MYOCD: variants seen among roughly 807,000 people sequenced by gnomAD.
MYOCD encodes the protein myocardin.
MYOCD carries 32 observed loss-of-function variants against 96.1 expected under a neutral mutation model. The ratio of observed to expected loss-of-function variants is 0.33; its 90% CI spans 0.25 to 0.45. The LOEUF (loss-of-function observed/expected upper bound fraction) is 0.45. Among genes scored for constraint, MYOCD ranks in the 20% least tolerant of loss-of-function variants. The probability of loss-of-function intolerance (pLI) is 1.00; values close to 1 mark genes in which losing one functional copy is unlikely to be tolerated. For missense variants in MYOCD, 1,133 were observed against 1,200.6 expected, an observed-to-expected ratio of 0.94 and a Z score of 0.83; for synonymous variants, 469 against 469.0, an observed-to-expected ratio of 1.00 and a Z score of 0.00.
intron 2 of MYOCD, among the ~76,000 whole-genome samples, chr17:12,709,044 T>G (rs2031395033): frequency 6.6e-6 from 1 of 152,212 alleles, no homozygotes; most frequent in Non-Finnish European, 1.5e-5. Flanking sequence ...TAATCTATGT[T>G]TCGCCATGAT....
At chr17:12,762,535 CTG>C (rs35670984) in intron 13 of MYOCD, 79,165 of 152,220 alleles carry the variant, frequency 0.52, 21,319 homozygotes, top group Middle Eastern at 0.68. Context: ...AGCATGAACA[CTG>C]TGATTTCCAA....
intron 5 of MYOCD, among the ~76,000 whole-genome samples, chr17:12,725,765 CG>C (rs2031981418): frequency 6.6e-6 from 1 of 151,580 alleles, no homozygotes; most frequent in South Asian, 2.1e-4. Context: ...TCTCTTAAAT[CG>C]GATTTTTCTA....
intron 2 of MYOCD, among the ~76,000 whole-genome samples, chr17:12,708,642 C>T (rs1043848456): frequency 4.6e-5 from 7 of 152,244 alleles, no homozygotes; most frequent in Admixed American, 6.5e-5. Context: ...CCACCCACCT[C>T]GGGTTCCCAA....
chr17:12,727,854 C>G (rs1847458198), intron 5 of MYOCD, among the ~76,000 whole-genome samples: 1 of 152,160 alleles, frequency 6.6e-6, no homozygotes, highest in South Asian at 2.1e-4. Flanking sequence ...CCCCTCTCCT[C>G]TTGAGTACCA....
chr17:12,752,470 A>G lies in MYOCD; in HGVS notation c.1182A>G (p.Lys394=). The change falls in exon 10 of 14, where the codon AAA becomes AAG. Residue 394 remains lysine (K), a synonymous_variant. Coordinates refer to ENST00000425538, the MANE Select transcript of MYOCD (RefSeq NM_001146312.3). ...RIRGLPVSGT[K]TALMDRLRPF... is the part of the protein sequence containing the mutation. ...GGGGCTTGCCTGTGTCAGGCACCAA[A>G]ACGGCTCTCATGGACCGGCTTCGAC... The G allele has an allele frequency of 6.2e-7, 1 of 1,614,108 alleles. No individual in the cohort carries two copies.
chr17:12,678,536 A>AAG (rs150532356), intron 1 of MYOCD, among the ~76,000 whole-genome samples: 64 of 151,278 alleles, frequency 4.2e-4, no homozygotes, highest in African/African-American at 1.4e-3. Flanking sequence ...TATAAAACCA[A>AAG]AGAGAGAGAG....
chr17:12,739,185 G>A lies in MYOCD; in HGVS notation c.592-18G>A. 3 of 1,596,562 alleles carry A rather than the reference G, an allele frequency of 1.9e-6. No homozygotes were observed. ...TTATTCCTGTATCTTCCTAATATCG[G>A]TAACATTTGGATTTCAGGATCTTGC... On this transcript the variant is annotated intron_variant, in intron 6 of 13. Transcript: ENST00000425538.
At chr17:12,722,188 A>G (rs1003554462) in intron 4 of MYOCD, among the ~76,000 whole-genome samples, 3 of 152,234 alleles carry the variant, frequency 2.0e-5, no homozygotes, top group Non-Finnish European at 4.4e-5. Context: ...GTTCTTCCAC[A>G]GAAATAAGTC....
chr17:12,700,646 C>T (rs1191692542), intron 1 of MYOCD, among the ~76,000 whole-genome samples: 2 of 151,608 alleles, frequency 1.3e-5, no homozygotes, highest in African/African-American at 4.9e-5. Flanking sequence ...GATCTCCTGA[C>T]CTCGTGATCC....
chr17:12,724,397 A>G lies in MYOCD; in HGVS notation c.415+1389A>G, dbSNP rs192460813. Among the ~76,000 whole-genome samples the G allele has an allele frequency of 4.6e-5, 7 of 152,204 alleles. No homozygotes were observed. The South Asian group carries it at 1.4e-3, about 31-fold the overall frequency. On this transcript the variant is annotated intron_variant, in intron 5 of 13. Transcript: ENST00000425538. ...ACATGACTTTTTCTCTGAAAAAGAAAGCTGAGCATGTTCTCGCTTTACTGC... is the reference window on the plus strand; with the variant it reads ...ACATGACTTTTTCTCTGAAAAAGAAGGCTGAGCATGTTCTCGCTTTACTGC...
At chr17:12,697,781 A>G (rs1279028728) in intron 1 of MYOCD, among the ~76,000 whole-genome samples, 1 of 152,220 alleles carries the variant, frequency 6.6e-6, no homozygotes, top group African/African-American at 2.4e-5. Context: ...ATAAATTAAT[A>G]CGAATTAGAA....
chr17:12,673,902 CTTTCATACCT>C (rs1909857830), intron 1 of MYOCD, among the ~76,000 whole-genome samples: 1 of 152,154 alleles, frequency 6.6e-6, no homozygotes, highest in Admixed American at 6.5e-5. Flanking sequence ...TCTGATGAGC[CTTTCATACCT>C]TTTCAGTAGA....
chr17:12,741,716 T>TA (rs66958558), intron 7 of MYOCD, among the ~76,000 whole-genome samples: 75 of 87,152 alleles, frequency 8.6e-4, no homozygotes, highest in Admixed American at 1.6e-3. Flanking sequence ...TATATATATA[T>TA]AAAAAAAAAA....
intron 5 of MYOCD, among the ~76,000 whole-genome samples, chr17:12,725,261 G>C (rs2031961685): frequency 6.6e-6 from 1 of 151,124 alleles, no homozygotes; most frequent in Admixed American, 6.6e-5. Context: ...TTCACTGGCT[G>C]GTACTTGAAA....
chr17:12,747,292 C>A (rs763595564), intron 9 of MYOCD, among the ~76,000 whole-genome samples: 20 of 152,036 alleles, frequency 1.3e-4, no homozygotes, highest in Non-Finnish European at 2.4e-4. Context: ...CAGGAGAGAA[C>A]GTGGCTGGAC....
intron 1 of MYOCD, among the ~76,000 whole-genome samples, chr17:12,667,584 TTTTCTATGAGGCTGCATTCA>T (rs1201407605): frequency 6.6e-6 from 1 of 152,328 alleles, no homozygotes; most frequent in African/African-American, 2.4e-5. Flanking sequence ...TGTAGATTTG[TTTTCTATGAGGCTGCATTCA>T]TTTCAAATGC....
At chr17:12,675,111 G>A (rs1336562445) in intron 1 of MYOCD, among the ~76,000 whole-genome samples, 1 of 152,130 alleles carries the variant, frequency 6.6e-6, no homozygotes. Flanking sequence ...CAATTCAAGG[G>A]AGAAAATAAT....
At chr17:12,691,861 T>TCTTAG (rs2030465360) in intron 1 of MYOCD, among the ~76,000 whole-genome samples, 2 of 152,212 alleles carry the variant, frequency 1.3e-5, no homozygotes, top group African/African-American at 4.8e-5. Context: ...TTAGGAGCTA[T>TCTTAG]GACCAGGGGA....
At chr17:12,703,053 T>C (rs962692642) in intron 1 of MYOCD, among the ~76,000 whole-genome samples, 4 of 152,020 alleles carry the variant, frequency 2.6e-5, no homozygotes, top group Non-Finnish European at 5.9e-5. Flanking sequence ...TGTAAGAAAT[T>C]ATATTATTTT....
Sources: allele counts gnomAD v4.1 joint callset (sites outside exome capture counted in the v4.1 genomes callset), GRCh38; gene constraint gnomAD v4.1.1; transcripts MANE v1.5; gene names NCBI Gene and HGNC (gene_info 2026-07-23, HGNC 2026-07-21).